SLC19A1: variants seen among roughly 807,000 people sequenced by gnomAD.
The protein encoded by SLC19A1 is solute carrier family 19 member 1, also known as reduced folate transporter.
SLC19A1 carries 37 observed loss-of-function variants against 35.3 expected under a neutral mutation model. That is an observed-to-expected ratio of 1.05 (90% CI 0.81 to 1.38). The LOEUF is 1.38. Ranked by LOEUF, SLC19A1 falls within the 40% of genes most tolerant of loss-of-function variation. SLC19A1 has a pLI of 0.00. For synonymous variants in SLC19A1, 460 were observed against 398.5 expected (o/e 1.15, Z -1.84); for missense variants, 831 against 826.9 (o/e 1.00, Z -0.06).
At chr21:45,506,882 TC>T (rs1185834227) in intron 3 of SLC19A1, 2 of 194,092 alleles carry the variant, frequency 1.0e-5, no homozygotes, top group Non-Finnish European at 2.2e-5. Context: ...AGACAGTGAA[TC>T]CCACTCCAGT....
intron 4 of SLC19A1, among the ~76,000 whole-genome samples, chr21:45,528,013 C>G (rs1186375952): frequency 6.6e-6 from 1 of 151,168 alleles, no homozygotes; most frequent in Non-Finnish European, 1.5e-5. Context: ...AACAAAAATG[C>G]CCAGGAACCC....
At position 45,515,755 on chromosome 21, in the gene SLC19A1, T is replaced by C; in HGVS notation, c.1679A>G (p.Asp560Gly). Residue 560 changes from aspartate (D) to glycine (G), a missense_variant, in exon 6 of 6, where the codon GAT becomes GGT. Asp to Gly is a moderately conservative substitution (Grantham distance 94). Coordinates refer to ENST00000311124, the MANE Select transcript of SLC19A1 (RefSeq NM_194255.4). Reference protein sequence around the residue: ...SAQASGPEAADETCPQLAVHP... With the variant: ...SAQASGPEAAGETCPQLAVHP... ...GACAGCCAGCTGGGGACAAGTCTCA[T>C]CTGCAGCCTCAGGGCCTGAGGCTTG... is the stretch of plus-strand genomic sequence containing the variant. The C allele has an allele frequency of 1.9e-6, 3 of 1,613,752 alleles. No individual in the cohort carries two copies. Among genetic ancestry groups the C allele is most frequent in the Non-Finnish European group, 1.7e-6 (2 of 1,179,964 alleles).
At position 45,507,313 on chromosome 21, in the gene SLC19A1, C is replaced by T. The variant is rs1435529774; in HGVS notation, c.498-8701G>A. The T allele has an allele frequency of 1.4e-5, 8 of 589,292 alleles. 1 individual carries two copies. The Middle Eastern group carries it at 1.8e-3, about 131-fold the overall frequency. 36.5% of individuals were successfully genotyped at this position (589,292 alleles called of 1,614,324 possible). A position where few individuals can be genotyped will look rare whatever the true frequency, so the allele number is the denominator to read the frequency against. ...CCGGGTGCTGGGCAGGGAGGGCACC[C>T]TCCTGTGGGCTGGCAGGGCCGGGTG... On this transcript the variant is annotated intron_variant, in intron 3 of 4. Transcript: ENST00000417954.
rs780726046 is a variant in SLC19A1, at chr21:45,533,471, G to A, written c.190-1323C>T. On this transcript the variant is annotated intron_variant, in intron 2 of 5. Transcript: ENST00000311124. This position sits in a 1 kb window ranked among gnomAD's most constrained non-coding sequence, Gnocchi z 4.5. Reference sequence around the variant, plus strand: ...GGCCCCACCCCTGTGAGGCCAAGCCGCTTGCCTTGCCCCTCCCTGGGGACT... The same window carrying A: ...GGCCCCACCCCTGTGAGGCCAAGCCACTTGCCTTGCCCCTCCCTGGGGACT... Among the ~76,000 whole-genome samples the A allele has an allele frequency of 2.1e-4, 32 of 152,230 alleles. No individual in the cohort carries two copies. The highest frequency in any genetic ancestry group is 7.0e-4 in the African/African-American group (29 of 41,554).
At chr21:45,542,757 C>T (rs1235256075), upstream of SLC19A1, among the ~76,000 whole-genome samples, 6 of 150,482 alleles carry the variant, frequency 4.0e-5, no homozygotes, top group Non-Finnish European at 8.9e-5. Context: ...GTCCCTCGGG[C>T]GGGCACCCTG....
chr21:45,520,337 A>T (rs1346505798), intron 5 of SLC19A1, among the ~76,000 whole-genome samples: 2 of 152,196 alleles, frequency 1.3e-5, no homozygotes, highest in Non-Finnish European at 2.9e-5. Flanking sequence ...CAGCCAGTGC[A>T]CTAAGTCAAG....
intron 3 of SLC19A1, chr21:45,503,789 TAAATTTAAA>T (rs1242972369): frequency 1.2e-5 from 3 of 258,710 alleles, no homozygotes; most frequent in Non-Finnish European, 2.1e-5. Context: ...AGTATAATAA[TAAATTTAAA>T]AAATTTAAAA....
chr21:45,543,689 G>C (rs1002985560), upstream of SLC19A1: 1 of 152,428 alleles, frequency 6.6e-6, no homozygotes, highest in Admixed American at 6.5e-5. Flanking sequence ...AATCTCAAAG[G>C]AACTTAAAAA....
chr21:45,562,804 G>A (rs765270983), exon 1 of SLC19A1, among the ~76,000 whole-genome samples: 3 of 152,180 alleles, frequency 2.0e-5, no homozygotes, highest in Non-Finnish European at 2.9e-5. Context: ...GGATCAGAGG[G>A]GAAGGAGCTG....
intron 5 of SLC19A1, 61 bp downstream of exon 5, chr21:45,525,756 C>T (rs1038658383): frequency 1.3e-6 from 2 of 1,585,424 alleles, no homozygotes; most frequent in African/African-American, 1.3e-5. Context: ...ACCAGGAGGC[C>T]TCAACAATGT....
At chr21:45,506,282 T>G in intron 3 of SLC19A1, 4 of 385,608 alleles carry the variant, frequency 1.0e-5, no homozygotes, top group Non-Finnish European at 1.0e-5. Flanking sequence ...ACAAGGCGCC[T>G]GACGGGACGA....
At chr21:45,562,520 G>C (rs938718641) in intron 1 of SLC19A1, among the ~76,000 whole-genome samples, 1 of 152,222 alleles carries the variant, frequency 6.6e-6, no homozygotes. Context: ...GTCTCCGGCA[G>C]CGTGGTGCAG....
intron 4 of SLC19A1, among the ~76,000 whole-genome samples, chr21:45,529,694 G>A (rs2077785203): frequency 6.6e-6 from 1 of 151,284 alleles, no homozygotes; most frequent in South Asian, 2.1e-4. Context: ...CATGTGTTGT[G>A]TGTCCGTGTG....
intron 3 of SLC19A1, among the ~76,000 whole-genome samples, chr21:45,503,673 T>A (rs1025662581): frequency 6.8e-6 from 1 of 147,774 alleles, no homozygotes; most frequent in South Asian, 2.2e-4. Context: ...CATTGGGAGA[T>A]ATACCTAATG....
chr21:45,559,208 C>T (rs756976629), intron 1 of SLC19A1, among the ~76,000 whole-genome samples: 1 of 152,166 alleles, frequency 6.6e-6, no homozygotes, highest in Non-Finnish European at 1.5e-5. Context: ...TGCATCCAAC[C>T]TAAAAACATC....
At chr21:45,561,838 GATAA>G (rs1417380871) in intron 1 of SLC19A1, among the ~76,000 whole-genome samples, 1 of 151,536 alleles carries the variant, frequency 6.6e-6, no homozygotes, top group African/African-American at 2.4e-5. Context: ...AGCAAAGAAA[GATAA>G]GACTTCCAGG....
chr21:45,521,310 A>G (rs560962920), intron 5 of SLC19A1, among the ~76,000 whole-genome samples: 3 of 152,392 alleles, frequency 2.0e-5, no homozygotes, highest in African/African-American at 7.2e-5. Context: ...GAAAAAGCAT[A>G]AACTAAAAAC....
At chr21:45,555,383 G>A (rs1414464634) in intron 1 of SLC19A1, among the ~76,000 whole-genome samples, 5 of 62,986 alleles carry the variant, frequency 7.9e-5, no homozygotes, top group African/African-American at 3.5e-4. Flanking sequence ...GGGGCGGCGG[G>A]GACAGTATGG....
At chr21:45,504,556 A>C in intron 3 of SLC19A1, 1 of 1,568,206 alleles carries the variant, frequency 6.4e-7, no homozygotes, top group Non-Finnish European at 8.6e-7. Context: ...CTGGGATTCC[A>C]GTAAGTCCCA....
Sources: allele counts gnomAD v4.1 joint callset (sites outside exome capture counted in the v4.1 genomes callset), GRCh38; gene constraint gnomAD v4.1.1; non-coding constraint Gnocchi (gnomAD v3.1); transcripts MANE v1.5; gene names NCBI Gene and HGNC (gene_info 2026-07-23, HGNC 2026-07-21).